The following HORMAD2 variants were observed in gnomAD, a reference collection of about 807,000 sequenced individuals.
HORMAD2 encodes HORMA domain containing 2.
HORMAD2 carries 45 observed loss-of-function variants against 38.8 expected under a neutral mutation model. The ratio of observed to expected loss-of-function variants is 1.16; its 90% CI spans 0.91 to 1.49. HORMAD2 has a LOEUF of 1.49. Among genes scored for constraint, HORMAD2 ranks in the 40% most tolerant of loss-of-function variants. The pLI is 0.00. For synonymous variants in HORMAD2, 126 were observed against 122.8 expected, an observed-to-expected ratio of 1.03 and a Z score of -0.17; for missense variants, 338 against 367.0, an observed-to-expected ratio of 0.92 and a Z score of 0.65.
At chr22:30,171,657 A>T (rs1014797935) in intron 10 of HORMAD2, among the ~76,000 whole-genome samples, 4 of 152,104 alleles carry the variant, frequency 2.6e-5, no homozygotes, top group Non-Finnish European at 5.9e-5. Context: ...GTATTTATTG[A>T]ACCTTTACTA....
intron 10 of HORMAD2, among the ~76,000 whole-genome samples, chr22:30,126,579 T>C (rs1922883629): frequency 1.3e-5 from 2 of 152,242 alleles, no homozygotes; most frequent in Admixed American, 1.3e-4. Flanking sequence ...TGACAATTTA[T>C]TCATTCTAAT....
At chr22:30,142,984 A>G (rs1387052010) in intron 10 of HORMAD2, among the ~76,000 whole-genome samples, 19 of 151,820 alleles carry the variant, frequency 1.3e-4, no homozygotes, top group Non-Finnish European at 8.8e-5. Context: ...TTTTTTATGT[A>G]TTACATCTAT....
chr22:30,124,907 C>T (rs997642943), intron 10 of HORMAD2, among the ~76,000 whole-genome samples: 3 of 152,146 alleles, frequency 2.0e-5, no homozygotes, highest in African/African-American at 7.2e-5. Context: ...GAGTACCCTA[C>T]ATTCTTGCCA....
At chr22:30,171,166 A>G (rs1468423847) in intron 10 of HORMAD2, among the ~76,000 whole-genome samples, 2 of 152,018 alleles carry the variant, frequency 1.3e-5, no homozygotes, top group African/African-American at 4.8e-5. Context: ...CCACACTCTG[A>G]TCTTTCAATA....
At chr22:30,199,085 A>T in the HORMAD2 span, among the ~76,000 whole-genome samples, 125 of 152,336 alleles carry the variant, frequency 8.2e-4, no homozygotes, top group African/African-American at 2.8e-3. Context: ...GAGAATATTG[A>T]GTCTGCAAAT....
chr22:30,120,644 C>T (rs1922364337), intron 8 of HORMAD2, among the ~76,000 whole-genome samples: 1 of 152,114 alleles, frequency 6.6e-6, no homozygotes, highest in African/African-American at 2.4e-5. Context: ...ATTAATTCAA[C>T]AAATGTTGAT....
At chr22:30,098,406 A>C (rs531992731) in intron 2 of HORMAD2, among the ~76,000 whole-genome samples, 24 of 152,296 alleles carry the variant, frequency 1.6e-4, no homozygotes, top group African/African-American at 5.3e-4. Context: ...AGGAAAAGAG[A>C]GTATGTGGGT....
the HORMAD2 span, among the ~76,000 whole-genome samples, chr22:30,189,185 C>A: frequency 6.6e-6 from 1 of 151,880 alleles, no homozygotes; most frequent in Admixed American, 6.6e-5. Context: ...AAAACTAGTT[C>A]TAATTCTTTC....
chr22:30,193,270 C>A, the HORMAD2 span, among the ~76,000 whole-genome samples: 15 of 152,156 alleles, frequency 9.9e-5, no homozygotes, highest in African/African-American at 3.6e-4. Context: ...GTAAACATAT[C>A]ATGTCACTAT....
At chr22:30,195,934 G>A in the HORMAD2 span, among the ~76,000 whole-genome samples, 7 of 152,206 alleles carry the variant, frequency 4.6e-5, no homozygotes, top group East Asian at 1.3e-3. Context: ...TACTTACAAA[G>A]TCAAAAGGGA....
the HORMAD2 span, among the ~76,000 whole-genome samples, chr22:30,202,412 A>AT: frequency 3.3e-5 from 5 of 150,256 alleles, no homozygotes; most frequent in African/African-American, 4.9e-5. Flanking sequence ...TTTTTTTTTA[A>AT]TTTATCAGCT....
chr22:30,081,217 C>T (rs1026916225), intron 1 of HORMAD2: 3 of 152,162 alleles, frequency 2.0e-5, no homozygotes, highest in Non-Finnish European at 4.4e-5. Flanking sequence ...TCAGCAGGAT[C>T]ATAATCTAAT....
At chr22:30,200,494 G>A in the HORMAD2 span, among the ~76,000 whole-genome samples, 1 of 152,034 alleles carries the variant, frequency 6.6e-6, no homozygotes, top group Non-Finnish European at 1.5e-5. Context: ...TAGCTTACTG[G>A]TAAAGATGAA....
chr22:30,121,868 T>C (rs780170581), intron 9 of HORMAD2, 79 bp downstream of exon 9: 33 of 1,541,456 alleles, frequency 2.1e-5, no homozygotes, highest in Admixed American at 1.7e-4. Flanking sequence ...TTTGCAGGCA[T>C]CTGAAAGAGA....
In HORMAD2 at chr22:30,145,058, T is replaced by C. The variant is rs1411401085; in HGVS notation, c.819+22844T>C. Among the ~76,000 whole-genome samples, 3 of 152,192 alleles carry C rather than the reference T, an allele frequency of 2.0e-5. No homozygotes were observed. The East Asian group carries it at 5.8e-4, about 29-fold the overall frequency. ...CAAATACCACCAACTTTTGTTGTTCTTGGCAAATTTTAGAAGATATTCTTG... is the reference window on the plus strand; with the variant it reads ...CAAATACCACCAACTTTTGTTGTTCCTGGCAAATTTTAGAAGATATTCTTG... On this transcript the variant is annotated intron_variant, in intron 10 of 10. Coordinates refer to ENST00000336726, the MANE Select transcript of HORMAD2 (RefSeq NM_152510.4).
At chr22:30,163,203 G>A (rs1473911724) in intron 10 of HORMAD2, among the ~76,000 whole-genome samples, 1 of 151,990 alleles carries the variant, frequency 6.6e-6, no homozygotes, top group Non-Finnish European at 1.5e-5. Flanking sequence ...GAACATTTAA[G>A]TTTTTACTTT....
chr22:30,195,275 G>T, the HORMAD2 span, among the ~76,000 whole-genome samples: 35 of 150,856 alleles, frequency 2.3e-4, no homozygotes, highest in Admixed American at 1.9e-3. Context: ...CAAAAAAATA[G>T]TTATGAGCTA....
rs1926486023 is a variant in HORMAD2, at chr22:30,176,847, C to A, written c.*680C>A. On this transcript the variant is annotated 3_prime_UTR_variant, in exon 11 of 11. Transcript: ENST00000336726. ...CTTCAGTTTATCAGTCTGTAACCTG[C>A]AAATGATGCTATTAGTTCCCTCCTT... 1 of 152,730 alleles carries A rather than the reference C, an allele frequency of 6.5e-6. No homozygotes were observed. Among genetic ancestry groups the A allele is most frequent in the Admixed American group, 6.6e-5 (1 of 15,266 alleles). 9.5% of individuals were successfully genotyped at this position (152,730 alleles called of 1,614,324 possible).
At chr22:30,100,369 A>G (rs1490390535) in intron 3 of HORMAD2, among the ~76,000 whole-genome samples, 1 of 152,246 alleles carries the variant, frequency 6.6e-6, no homozygotes, top group African/African-American at 2.4e-5. Context: ...TGCTGGGAAA[A>G]CTGGCTAGCC....
Sources: gnomAD v4.1 joint callset for allele counts (sites outside exome capture counted in the v4.1 genomes callset) on GRCh38, gnomAD v4.1.1 for gene constraint, MANE v1.5 for transcripts, NCBI Gene and HGNC (gene_info 2026-07-23, HGNC 2026-07-21) for gene names.